The following CDH13 variants were observed in gnomAD, a reference collection of about 807,000 sequenced individuals.
CDH13 encodes the protein cadherin 13, also known as cadherin-13.
In CDH13, 24 loss-of-function variants were observed where a neutral mutation model predicts 63.8. That is an observed-to-expected ratio of 0.38 (90% CI 0.27 to 0.53). CDH13 has a LOEUF of 0.53. Ranked by LOEUF, CDH13 falls within the 20% of genes least tolerant of loss-of-function variation. The pLI is 0.85. For missense variants in CDH13, 1,049 were observed against 903.1 expected (o/e 1.16, Z -2.07); for synonymous variants, 503 against 355.3 (o/e 1.42, Z -4.67).
intron 6 of CDH13, among the ~76,000 whole-genome samples, chr16:83,446,795 C>T (rs183062232): frequency 5.8e-4 from 88 of 152,206 alleles, no homozygotes; most frequent in African/African-American, 2.0e-3. Flanking sequence ...TCCATGATGG[C>T]TTTATTAAGG....
intron 1 of CDH13, among the ~76,000 whole-genome samples, chr16:82,705,472 C>T (rs1279827566): frequency 1.3e-5 from 2 of 152,192 alleles, no homozygotes; most frequent in African/African-American, 4.8e-5. Flanking sequence ...TGCATCCGTC[C>T]CCATCTGAAT....
chr16:82,748,336 GT>G (rs1437147066), intron 1 of CDH13, among the ~76,000 whole-genome samples: 2 of 152,204 alleles, frequency 1.3e-5, no homozygotes, highest in African/African-American at 4.8e-5. Context: ...TGCAGAGTGT[GT>G]TTTGCTTGGT....
chr16:83,192,313 C>A (rs1196212540), intron 4 of CDH13, among the ~76,000 whole-genome samples: 3 of 152,182 alleles, frequency 2.0e-5, no homozygotes, highest in Non-Finnish European at 2.9e-5. Flanking sequence ...GTGTCAGGGA[C>A]TGTGCTGTGG....
At chr16:83,000,107 A>T (rs976937915) in intron 2 of CDH13, among the ~76,000 whole-genome samples, 3 of 151,138 alleles carry the variant, frequency 2.0e-5, no homozygotes, top group Non-Finnish European at 4.4e-5. Flanking sequence ...AGGGTGGAGG[A>T]TGTTGCGGAG....
chr16:82,828,587 A>C (rs2038372648), intron 1 of CDH13, among the ~76,000 whole-genome samples: 1 of 151,974 alleles, frequency 6.6e-6, no homozygotes, highest in Non-Finnish European at 1.5e-5. Flanking sequence ...ACACCACTGC[A>C]CTCCAGCCTG....
At chr16:83,069,731 T>C (rs1368865070) in intron 3 of CDH13, among the ~76,000 whole-genome samples, 1 of 152,172 alleles carries the variant, frequency 6.6e-6, no homozygotes, top group Non-Finnish European at 1.5e-5. Flanking sequence ...AAAGGCTCAC[T>C]CTGACACCCA....
chr16:83,166,373 C>G (rs2037670006), intron 4 of CDH13, among the ~76,000 whole-genome samples: 1 of 152,048 alleles, frequency 6.6e-6, no homozygotes, highest in African/African-American at 2.4e-5. Context: ...TCGGCCCAGA[C>G]AGGAAGAGTA....
chr16:83,030,120 G>A (rs1275318432), intron 2 of CDH13, among the ~76,000 whole-genome samples: 3 of 152,064 alleles, frequency 2.0e-5, no homozygotes, highest in African/African-American at 7.2e-5. Flanking sequence ...GTTCATGCAG[G>A]GGGCCCATCT....
At chr16:83,619,453 G>A (rs539717197) in intron 8 of CDH13, among the ~76,000 whole-genome samples, 1 of 152,348 alleles carries the variant, frequency 6.6e-6, no homozygotes, top group African/African-American at 2.4e-5. Context: ...CCAGCCATGT[G>A]GCTTCAACAA....
At chr16:83,161,769 T>A (rs2037456169) in intron 4 of CDH13, among the ~76,000 whole-genome samples, 1 of 152,214 alleles carries the variant, frequency 6.6e-6, no homozygotes, top group South Asian at 2.1e-4. Flanking sequence ...TCTTCCCTAC[T>A]AATTACATTA....
chr16:83,568,817 C>G (rs886095887), intron 7 of CDH13, among the ~76,000 whole-genome samples: 2 of 152,158 alleles, frequency 1.3e-5, no homozygotes, highest in African/African-American at 2.4e-5. Flanking sequence ...TCTCCCAAAG[C>G]CACTCACTTG....
intron 3 of CDH13, among the ~76,000 whole-genome samples, chr16:83,074,768 G>T (rs1198880603): frequency 2.0e-5 from 3 of 152,166 alleles, no homozygotes; most frequent in Non-Finnish European, 4.4e-5. Flanking sequence ...TCCATTTGCA[G>T]AAAAGGAAGC....
At position 83,200,965 on chromosome 16, in the gene CDH13, G is replaced by GTGTGTGTGTC. The variant is rs34095925; in HGVS notation, c.484-16373_484-16372insGTCTGTGTGT. Among the ~76,000 whole-genome samples, 1,016 of 144,468 alleles carry GTGTGTGTGTC rather than the reference G, an allele frequency of 7.0e-3. 12 individuals carry two copies. The highest frequency in any genetic ancestry group is 0.01 in the East Asian group (51 of 4,906). 94.8% of individuals were successfully genotyped at this position (144,468 alleles called of 152,430 possible). ...TGTGTGTGTGTGTGTGTGTGTGTGTGTGTGTGTTATTGGGATCTTTTAACT... is the reference window on the plus strand; with the variant it reads ...TGTGTGTGTGTGTGTGTGTGTGTGTGTGTGTGTGTCTGTGTGTTATTGGGATCTTTTAACT... On this transcript the variant is annotated intron_variant, in intron 4 of 13. Coordinates refer to ENST00000567109, the MANE Select transcript of CDH13 (RefSeq NM_001257.5).
intron 5 of CDH13, among the ~76,000 whole-genome samples, chr16:83,264,540 GTA>G (rs200331321): frequency 3.0e-3 from 238 of 80,022 alleles, no homozygotes; most frequent in African/African-American, 9.6e-3. Context: ...ATATGTGTGT[GTA>G]TATATATGTA....
chr16:83,331,561 C>G (rs959446508), intron 5 of CDH13, among the ~76,000 whole-genome samples: 3 of 152,134 alleles, frequency 2.0e-5, no homozygotes, highest in Admixed American at 6.5e-5. Context: ...AAATAAAAAC[C>G]TTATTGATTT....
intron 1 of CDH13, among the ~76,000 whole-genome samples, chr16:82,767,244 G>T (rs551380606): frequency 1.3e-5 from 2 of 152,174 alleles, no homozygotes; most frequent in African/African-American, 4.8e-5. Flanking sequence ...CCAAAGCATT[G>T]CCAAAATGCA....
intron 4 of CDH13, among the ~76,000 whole-genome samples, chr16:83,208,619 T>C (rs1051375412): frequency 2.6e-5 from 4 of 152,214 alleles, no homozygotes; most frequent in African/African-American, 7.2e-5. Flanking sequence ...GAAAATATTA[T>C]AAGGTGAAGG....
At chr16:82,826,705 T>G (rs2151104888) in intron 1 of CDH13, 1 of 152,312 alleles carries the variant, frequency 6.6e-6, no homozygotes, top group African/African-American at 2.4e-5. Context: ...CTGAATGTGG[T>G]AATTTGTTCC....
chr16:82,864,849 C>A (rs1351214183), intron 2 of CDH13, among the ~76,000 whole-genome samples: 1 of 152,156 alleles, frequency 6.6e-6, no homozygotes, highest in Non-Finnish European at 1.5e-5. Context: ...TCAACTGAGA[C>A]AAGGCAAGTC....
Sources: allele counts gnomAD v4.1 joint callset (sites outside exome capture counted in the v4.1 genomes callset), GRCh38; gene constraint gnomAD v4.1.1; transcripts MANE v1.5; gene names NCBI Gene and HGNC (gene_info 2026-07-23, HGNC 2026-07-21).